UNC5D: variants seen among roughly 807,000 people sequenced by gnomAD.
The protein encoded by UNC5D is netrin receptor UNC5D.
UNC5D carries 39 observed loss-of-function variants against 105.4 expected under a neutral mutation model. The ratio of observed to expected loss-of-function variants is 0.37; its 90% CI spans 0.29 to 0.48. The LOEUF (loss-of-function observed/expected upper bound fraction) is 0.48, where lower values mean the gene tolerates loss of function less well. UNC5D is among the 20% of genes least tolerant of loss of function. The pLI is 0.98. For missense variants in UNC5D, 991 were observed against 1,202.4 expected, an observed-to-expected ratio of 0.82 and a Z score of 2.60; for synonymous variants, 452 against 450.4, an observed-to-expected ratio of 1.00 and a Z score of -0.04.
intron 1 of UNC5D, among the ~76,000 whole-genome samples, chr8:35,490,166 A>G (rs1811110804): frequency 6.6e-6 from 1 of 152,138 alleles, no homozygotes; most frequent in Non-Finnish European, 1.5e-5. Flanking sequence ...TCTTTTGGTA[A>G]TCACCAAAAA....
intron 4 of UNC5D, among the ~76,000 whole-genome samples, chr8:35,599,989 T>G (rs1187210176): frequency 1.3e-5 from 2 of 152,062 alleles, no homozygotes; most frequent in African/African-American, 4.8e-5. Flanking sequence ...TGTGTGATGT[T>G]CCCCTTCCTG....
chr8:35,265,127 C>T (rs1431254707), intron 1 of UNC5D, among the ~76,000 whole-genome samples: 1 of 152,138 alleles, frequency 6.6e-6, no homozygotes, highest in African/African-American at 2.4e-5. Flanking sequence ...AGAAGTTAGA[C>T]AAATCACTTT....
intron 12 of UNC5D, among the ~76,000 whole-genome samples, chr8:35,749,813 C>T: frequency 6.6e-6 from 1 of 152,100 alleles, no homozygotes; most frequent in Middle Eastern, 3.2e-3. Context: ...TCTATCAAAC[C>T]AGTCACATAT....
Position 35,402,621 on chromosome 8 carries a change from T to C in UNC5D, c.104-146671T>C, listed in dbSNP as rs142176542. On this transcript the variant is annotated intron_variant, in intron 1 of 16. Coordinates refer to ENST00000404895, the MANE Select transcript of UNC5D (RefSeq NM_080872.4). ...TCATGACACACTGGGAGACTGGTTT[T>C]CTTGGTCTGTTCACCAACTCGGTGA... 2.1e-3 allele frequency among the ~76,000 whole-genome samples: 319 copies of C among 152,246 alleles called. 1 individual carries two copies. Among genetic ancestry groups the C allele is most frequent in the Admixed American group, 5.0e-3 (77 of 15,290 alleles).
At chr8:35,484,176 G>C (rs1810678507) in intron 1 of UNC5D, among the ~76,000 whole-genome samples, 2 of 151,972 alleles carry the variant, frequency 1.3e-5, no homozygotes, top group Admixed American at 6.6e-5. Context: ...CCCATTAAGG[G>C]GGAAGAAGCA....
At chr8:35,439,983 T>G (rs1415554438) in intron 1 of UNC5D, among the ~76,000 whole-genome samples, 1 of 152,018 alleles carries the variant, frequency 6.6e-6, no homozygotes. Flanking sequence ...CCAATAGCAC[T>G]ATATAGAGAT....
intron 1 of UNC5D, among the ~76,000 whole-genome samples, chr8:35,374,892 T>C (rs1802610585): frequency 1.3e-5 from 2 of 152,230 alleles, no homozygotes; most frequent in Admixed American, 1.3e-4. Flanking sequence ...TAGTTTTAAT[T>C]AGCAGATCAA....
chr8:35,540,359 A>AT (rs1382430438), intron 1 of UNC5D, among the ~76,000 whole-genome samples: 2 of 151,898 alleles, frequency 1.3e-5, no homozygotes, highest in East Asian at 3.9e-4. Flanking sequence ...CGTGGATTTT[A>AT]ATACAATAAA....
At chr8:35,578,474 A>G (rs768858233) in intron 3 of UNC5D, among the ~76,000 whole-genome samples, 4 of 152,186 alleles carry the variant, frequency 2.6e-5, no homozygotes, top group African/African-American at 9.7e-5. Context: ...GACATGGCAC[A>G]TGTTTCTGAA....
chr8:35,721,333 C>G (rs768111828), intron 8 of UNC5D: 1 of 683,048 alleles, frequency 1.5e-6, no homozygotes, highest in African/African-American at 1.8e-5. Flanking sequence ...ATAACCACAT[C>G]CAACGCACCT....
intron 4 of UNC5D, among the ~76,000 whole-genome samples, chr8:35,600,362 C>T (rs967790302): frequency 6.6e-6 from 1 of 152,104 alleles, no homozygotes; most frequent in Non-Finnish European, 1.5e-5. Flanking sequence ...GTTCTAGATC[C>T]CTGAGGAATT....
At chr8:35,555,750 C>T (rs942749378) in intron 2 of UNC5D, among the ~76,000 whole-genome samples, 9 of 151,326 alleles carry the variant, frequency 5.9e-5, no homozygotes, top group Non-Finnish European at 1.2e-4. Flanking sequence ...CACTTGAACC[C>T]GAAAGGTAGA....
chr8:35,495,202 G>A (rs1050061773), intron 1 of UNC5D, among the ~76,000 whole-genome samples: 1 of 152,156 alleles, frequency 6.6e-6, no homozygotes, highest in African/African-American at 2.4e-5. Context: ...TGCCATGGAT[G>A]CTGTCATACT....
chr8:35,733,786 A>C (rs1203721379), intron 11 of UNC5D, among the ~76,000 whole-genome samples: 1 of 152,148 alleles, frequency 6.6e-6, no homozygotes, highest in Non-Finnish European at 1.5e-5. Context: ...AATCCATTCT[A>C]AGGATTGGGT....
intron 1 of UNC5D, among the ~76,000 whole-genome samples, chr8:35,444,542 C>T (rs1022815236): frequency 2.0e-5 from 3 of 151,974 alleles, no homozygotes; most frequent in Non-Finnish European, 4.4e-5. Context: ...GAAACACACA[C>T]TTTCTCTCTC....
intron 1 of UNC5D, among the ~76,000 whole-genome samples, chr8:35,298,847 T>A (rs1304382241): frequency 6.6e-6 from 1 of 152,246 alleles, no homozygotes. Context: ...GAAGTGGTAC[T>A]TGAACATTAA....
At chr8:35,432,082 C>A (rs1483814765) in intron 1 of UNC5D, among the ~76,000 whole-genome samples, 1 of 151,940 alleles carries the variant, frequency 6.6e-6, no homozygotes, top group African/African-American at 2.4e-5. Flanking sequence ...AGTCAGTATA[C>A]CTGAGTTGGA....
intron 4 of UNC5D, among the ~76,000 whole-genome samples, chr8:35,603,621 C>G (rs2130939111): frequency 6.6e-6 from 1 of 152,192 alleles, no homozygotes; most frequent in Non-Finnish European, 1.5e-5. Flanking sequence ...TCTCGTTGAT[C>G]TGTCTAATGT....
intron 7 of UNC5D, among the ~76,000 whole-genome samples, chr8:35,696,855 C>A (rs191645486): frequency 6.6e-6 from 1 of 152,048 alleles, no homozygotes; most frequent in Non-Finnish European, 1.5e-5. Flanking sequence ...GGCCTTCTTA[C>A]GTGTGTTTAG....
Sources: allele counts gnomAD v4.1 joint callset (sites outside exome capture counted in the v4.1 genomes callset), GRCh38; gene constraint gnomAD v4.1.1; transcripts MANE v1.5; gene names NCBI Gene and HGNC (gene_info 2026-07-23, HGNC 2026-07-21).